SH3RF3: variants seen among roughly 807,000 people sequenced by gnomAD.
The protein encoded by SH3RF3 is SH3 domain containing ring finger 3.
Under a neutral mutation model 66.3 loss-of-function variants are expected in SH3RF3, and 29 were observed. The observed-to-expected ratio is 0.44, with a 90% confidence interval of 0.33 to 0.60. SH3RF3 has a LOEUF of 0.60. SH3RF3 is among the 20% of genes least tolerant of loss of function. The probability of loss-of-function intolerance (pLI) is 0.04; values close to 1 mark genes in which losing one functional copy is unlikely to be tolerated. For missense variants in SH3RF3, 1,194 were observed against 1,190.9 expected (o/e 1.00, Z -0.04); for synonymous variants, 583 against 532.0 (o/e 1.10, Z -1.32).
intron 8 of SH3RF3, among the ~76,000 whole-genome samples, chr2:109,459,927 A>G (rs551150226): frequency 6.6e-6 from 1 of 152,330 alleles, no homozygotes; most frequent in Non-Finnish European, 1.5e-5. Flanking sequence ...ATAGCACCAT[A>G]TATTTGATGC....
chr2:109,497,207 C>T (rs1189175856), intron 9 of SH3RF3, among the ~76,000 whole-genome samples: 1 of 152,184 alleles, frequency 6.6e-6, no homozygotes, highest in Non-Finnish European at 1.5e-5. Context: ...AGTTTAGTGT[C>T]CAGGGTATAG....
At chr2:109,170,815 G>T (rs1426372604) in intron 1 of SH3RF3, among the ~76,000 whole-genome samples, 1 of 152,174 alleles carries the variant, frequency 6.6e-6, no homozygotes, top group Non-Finnish European at 1.5e-5. Context: ...GGTGCACAGG[G>T]CATAGTTTAC....
At chr2:109,243,404 T>A (rs1190526035) in intron 1 of SH3RF3, among the ~76,000 whole-genome samples, 1 of 152,232 alleles carries the variant, frequency 6.6e-6, no homozygotes, top group Non-Finnish European at 1.5e-5. Flanking sequence ...GTGCCTGTCC[T>A]TTCTTCTTGC....
chr2:109,500,375 C>T (rs1053043337), intron 9 of SH3RF3, among the ~76,000 whole-genome samples: 3 of 152,138 alleles, frequency 2.0e-5, no homozygotes, highest in Non-Finnish European at 4.4e-5. Flanking sequence ...CTCAGAGCTC[C>T]AGCACCTGCC....
intron 1 of SH3RF3, among the ~76,000 whole-genome samples, chr2:109,318,996 G>T (rs1290435418): frequency 1.3e-5 from 2 of 152,216 alleles, no homozygotes; most frequent in Non-Finnish European, 2.9e-5. Context: ...ACAGATCAAA[G>T]CCCTCTGCTA....
rs191771825 is a variant in SH3RF3, at chr2:109,439,581, G to A, written c.1828+2435G>A. Among the ~76,000 whole-genome samples the A allele has an allele frequency of 4.6e-5, 7 of 152,130 alleles. No individual in the cohort carries two copies. In the East Asian group the frequency reaches 1.4e-3, roughly 29 times the overall value. On this transcript the variant is annotated intron_variant, in intron 7 of 9. Transcript: ENST00000309415. ...AGTTTGACAAAGGCTTAATTGCATT[G>A]GCCATAGCATCCAATATGATTTGTT...
At chr2:109,379,749 A>G (rs1683469648) in intron 3 of SH3RF3, among the ~76,000 whole-genome samples, 1 of 152,154 alleles carries the variant, frequency 6.6e-6, no homozygotes, top group Admixed American at 6.5e-5. Flanking sequence ...CTGTGCCTCC[A>G]GGAACACTTT....
intron 1 of SH3RF3, among the ~76,000 whole-genome samples, chr2:109,153,133 T>C (rs1038676174): frequency 1.3e-5 from 2 of 152,266 alleles, no homozygotes; most frequent in South Asian, 4.2e-4. Flanking sequence ...AAGGAATCAG[T>C]GGGGCAAATA....
At position 109,213,769 on chromosome 2, in the gene SH3RF3, G is replaced by A. The variant is rs145057066; in HGVS notation, c.573+83656G>A. On this transcript the variant is annotated intron_variant, in intron 1 of 9. Transcript: ENST00000309415. ...GGATGGTTTTAAATAGGAACGTGAC[G>A]TGGTCTCACTGTGGTGTGGTGTGAT... Among the ~76,000 whole-genome samples, 540 of 152,300 alleles carry A rather than the reference G, an allele frequency of 3.5e-3. 5 individuals carry two copies. The highest frequency in any genetic ancestry group is 0.012 in the African/African-American group (507 of 41,550).
chr2:109,202,621 G>T (rs965499745), intron 1 of SH3RF3, among the ~76,000 whole-genome samples: 13 of 152,090 alleles, frequency 8.5e-5, no homozygotes, highest in African/African-American at 3.1e-4. Context: ...AGGGTGAGGC[G>T]TCAGCCCGGC....
chr2:109,333,296 C>T (rs1296291308), intron 1 of SH3RF3, among the ~76,000 whole-genome samples: 1 of 152,242 alleles, frequency 6.6e-6, no homozygotes, highest in East Asian at 1.9e-4. Flanking sequence ...CCTAGCATAT[C>T]CTTGCTGGAT....
chr2:109,170,240 T>TC (rs1677732766), intron 1 of SH3RF3, among the ~76,000 whole-genome samples: 7 of 6,912 alleles, frequency 1.0e-3, no homozygotes, highest in African/African-American at 2.7e-3. Context: ...TTCTCTTCTT[T>TC]TCTTTTCTCT....
chr2:109,150,863 G>GA (rs924268519), intron 1 of SH3RF3, among the ~76,000 whole-genome samples: 1 of 151,906 alleles, frequency 6.6e-6, no homozygotes, highest in Non-Finnish European at 1.5e-5. Context: ...CTATAAATGT[G>GA]AAAAAAAATA....
intron 1 of SH3RF3, among the ~76,000 whole-genome samples, chr2:109,142,280 G>A (rs1225778006): frequency 2.0e-5 from 3 of 152,138 alleles, no homozygotes; most frequent in Non-Finnish European, 4.4e-5. Context: ...CCTTCCATTG[G>A]TGTTCTCAGG....
At chr2:109,349,765 C>T (rs1390872816) in intron 2 of SH3RF3, among the ~76,000 whole-genome samples, 2 of 152,250 alleles carry the variant, frequency 1.3e-5, no homozygotes, top group African/African-American at 2.4e-5. Context: ...CTGGGTAGGC[C>T]TGCTTCTCTG....
At chr2:109,494,675 C>T (rs1340255396) in intron 9 of SH3RF3, among the ~76,000 whole-genome samples, 4 of 152,148 alleles carry the variant, frequency 2.6e-5, no homozygotes, top group African/African-American at 9.7e-5. Context: ...GTGCAAGGCC[C>T]ACCTGTGATC....
At chr2:109,273,043 G>C (rs1000809424) in intron 1 of SH3RF3, among the ~76,000 whole-genome samples, 4 of 152,208 alleles carry the variant, frequency 2.6e-5, no homozygotes, top group African/African-American at 9.7e-5. Context: ...TTTACCAGTG[G>C]GAGAAAGACC....
chr2:109,396,399 T>C (rs1366152447), intron 3 of SH3RF3, among the ~76,000 whole-genome samples: 1 of 152,146 alleles, frequency 6.6e-6, no homozygotes, highest in South Asian at 2.1e-4. Flanking sequence ...AAGGCAGATA[T>C]TCGTAGTGGA....
intron 4 of SH3RF3, among the ~76,000 whole-genome samples, chr2:109,411,581 G>A (rs971242882): frequency 1.3e-5 from 2 of 152,176 alleles, no homozygotes; most frequent in Admixed American, 6.5e-5. Flanking sequence ...GGGAAGCCAC[G>A]ACCAGTGTGC....
Sources: gnomAD v4.1 joint callset for allele counts (sites outside exome capture counted in the v4.1 genomes callset) on GRCh38, gnomAD v4.1.1 for gene constraint, MANE v1.5 for transcripts, NCBI Gene and HGNC (gene_info 2026-07-23, HGNC 2026-07-21) for gene names.